The following SDK1 variants were observed in gnomAD, a reference collection of about 807,000 sequenced individuals.
The protein encoded by SDK1 is sidekick cell adhesion molecule 1.
Under a neutral mutation model 245.5 loss-of-function variants are expected in SDK1, and 157 were observed. The observed-to-expected ratio is 0.64, with a 90% CI of 0.56 to 0.73. The LOEUF is 0.73. Ranked by LOEUF, SDK1 falls within the 30% of genes least tolerant of loss-of-function variation. The pLI, the probability that SDK1 is intolerant of heterozygous loss-of-function variation, is 0.00. For missense variants in SDK1, 3,583 were observed against 3,002.3 expected, an observed-to-expected ratio of 1.19 and a Z score of -4.52; for synonymous variants, 1,647 against 1,278.5, an observed-to-expected ratio of 1.29 and a Z score of -6.15.
rs1206124344 is a variant in SDK1, at chr7:4,201,669, C to T, written c.5099-4210C>T. Among the ~76,000 whole-genome samples, 5 of 151,950 alleles carry T rather than the reference C, an allele frequency of 3.3e-5. No homozygotes were observed. In the South Asian group the frequency reaches 6.3e-4, roughly 19 times the overall value. ...ACAGGGAGGCTCCGGTGACAGGAGG[C>T]GCCTGGCGTGGCACAGCGTGGCTCT... On this transcript the variant is annotated intron_variant, in intron 35 of 44. Transcript: ENST00000404826.
intron 17 of SDK1, among the ~76,000 whole-genome samples, chr7:4,024,839 T>C (rs1206433981): frequency 6.6e-6 from 1 of 152,144 alleles, no homozygotes; most frequent in Non-Finnish European, 1.5e-5. Flanking sequence ...TTTGTTTTTG[T>C]TTTTCATTCT....
chr7:4,264,163 A>G (rs112925375), intron 44 of SDK1, among the ~76,000 whole-genome samples: 142 of 125,066 alleles, frequency 1.1e-3, no homozygotes, highest in African/African-American at 4.0e-3. Flanking sequence ...GTGGCCGCGT[A>G]GAACTCTCCT....
chr7:3,690,155 C>T (rs554797728), intron 4 of SDK1, among the ~76,000 whole-genome samples: 1 of 152,144 alleles, frequency 6.6e-6, no homozygotes, highest in African/African-American at 2.4e-5. Flanking sequence ...GAAGCTGGGA[C>T]TAATAGCCCA....
At chr7:3,878,739 C>G (rs1781134552) in intron 5 of SDK1, among the ~76,000 whole-genome samples, 1 of 152,120 alleles carries the variant, frequency 6.6e-6, no homozygotes, top group African/African-American at 2.4e-5. Context: ...CTCTTTTCTT[C>G]TCACCCACCT....
At chr7:3,495,314 G>C (rs1178781759) in intron 1 of SDK1, among the ~76,000 whole-genome samples, 1 of 142,224 alleles carries the variant, frequency 7.0e-6, no homozygotes, top group Middle Eastern at 3.6e-3. Flanking sequence ...CTGGAGTGCA[G>C]TGTTGCAATC....
chr7:3,917,986 C>G (rs1427990634), intron 5 of SDK1, among the ~76,000 whole-genome samples: 3 of 152,180 alleles, frequency 2.0e-5, no homozygotes, highest in African/African-American at 7.2e-5. Flanking sequence ...TTTTCTGTTT[C>G]AGGGCCCAAG....
At chr7:3,697,310 G>A (rs1529655) in intron 4 of SDK1, among the ~76,000 whole-genome samples, 119,423 of 152,074 alleles carry the variant, frequency 0.79, 46,985 homozygotes, top group Non-Finnish European at 0.81. Context: ...TTTCTTTCCC[G>A]CTGCAATTTA....
intron 22 of SDK1, among the ~76,000 whole-genome samples, chr7:4,092,739 A>T (rs1384965784): frequency 6.6e-6 from 1 of 152,118 alleles, no homozygotes; most frequent in Non-Finnish European, 1.5e-5. Context: ...GGGCGCCGGG[A>T]GGACACTGAG....
chr7:3,751,287 A>T (rs949480821), intron 4 of SDK1, among the ~76,000 whole-genome samples: 2 of 152,212 alleles, frequency 1.3e-5, no homozygotes, highest in Non-Finnish European at 2.9e-5. Context: ...AAGAGAGCTA[A>T]TAAACTAGGA....
intron 1 of SDK1, among the ~76,000 whole-genome samples, chr7:3,539,057 C>G (rs542952617): frequency 5.3e-5 from 8 of 151,944 alleles, no homozygotes; most frequent in Non-Finnish European, 1.2e-4. Flanking sequence ...TTGTTGAATA[C>G]TTTCTGCGAT....
chr7:3,822,774 G>GAA, intron 5 of SDK1, among the ~76,000 whole-genome samples: 1 of 117,696 alleles, frequency 8.5e-6, no homozygotes, highest in African/African-American at 3.1e-5. Flanking sequence ...ATCTCAAAAA[G>GAA]AAAAAAAAAA....
intron 4 of SDK1, among the ~76,000 whole-genome samples, chr7:3,782,671 G>A (rs956529789): frequency 3.3e-5 from 5 of 152,246 alleles, no homozygotes; most frequent in East Asian, 1.9e-4. Context: ...TATTCAAAGT[G>A]CTGAATTTAT....
chr7:3,393,147 T>C (rs1157682692), intron 1 of SDK1, among the ~76,000 whole-genome samples: 1 of 151,892 alleles, frequency 6.6e-6, no homozygotes, highest in Non-Finnish European at 1.5e-5. Flanking sequence ...ATTTTTTGTA[T>C]TTTTAGTAGA....
At chr7:4,059,609 G>C (rs1779409581) in intron 19 of SDK1, among the ~76,000 whole-genome samples, 2 of 152,194 alleles carry the variant, frequency 1.3e-5, no homozygotes, top group South Asian at 4.1e-4. Context: ...GACATTTACA[G>C]AACATTTCAT....
At chr7:4,138,411 G>A (rs1162011190) in intron 28 of SDK1, among the ~76,000 whole-genome samples, 1 of 152,160 alleles carries the variant, frequency 6.6e-6, no homozygotes, top group East Asian at 1.9e-4. Flanking sequence ...CATACTGAGT[G>A]TGGAAATCCG....
intron 4 of SDK1, among the ~76,000 whole-genome samples, chr7:3,812,667 G>A (rs1234762769): frequency 6.6e-6 from 1 of 152,182 alleles, no homozygotes; most frequent in African/African-American, 2.4e-5. Flanking sequence ...GTCTTTTCCT[G>A]CCTCTAGTTT....
At position 3,961,342 on chromosome 7, in the gene SDK1, G is replaced by A. The variant is rs1781665847; in HGVS notation, c.1235-1315G>A. Among the ~76,000 whole-genome samples, 5 of 152,294 alleles carry A rather than the reference G, an allele frequency of 3.3e-5. No individual in the cohort carries two copies. The South Asian group carries it at 1.0e-3, about 32-fold the overall frequency. ...TGACAGGAAACATAATTAAGGCAAA[G>A]AAGAGAATCTAGGAAGACATTATCT... On this transcript the variant is annotated intron_variant, in intron 8 of 44. Coordinates refer to ENST00000404826, the MANE Select transcript of SDK1 (RefSeq NM_152744.4).
chr7:3,531,954 G>A (rs1386601744), intron 1 of SDK1, among the ~76,000 whole-genome samples: 1 of 152,110 alleles, frequency 6.6e-6, no homozygotes, highest in Non-Finnish European at 1.5e-5. Flanking sequence ...CATTTATCTG[G>A]TCATTTTCCA....
intron 1 of SDK1, among the ~76,000 whole-genome samples, chr7:3,343,162 C>G (rs1478246794): frequency 2.6e-5 from 4 of 152,134 alleles, no homozygotes; most frequent in Non-Finnish European, 4.4e-5. Context: ...CAAGTGTACT[C>G]TTGGATAGTT....
Sources: allele counts gnomAD v4.1 joint callset (sites outside exome capture counted in the v4.1 genomes callset), GRCh38; gene constraint gnomAD v4.1.1; transcripts MANE v1.5; gene names NCBI Gene and HGNC (gene_info 2026-07-23, HGNC 2026-07-21).